CCDC3: variants seen among roughly 807,000 people sequenced by gnomAD.
CCDC3 encodes the protein coiled-coil domain-containing protein 3.
A neutral mutation model predicts 21.4 loss-of-function variants in CCDC3; 24 were observed. That is an observed-to-expected ratio of 1.12 (90% CI 0.81 to 1.58). The LOEUF (loss-of-function observed/expected upper bound fraction) is 1.58, where lower values mean the gene tolerates loss of function less well. CCDC3 is among the 40% of genes most tolerant of loss of function. The pLI is 0.00. For synonymous variants in CCDC3, 186 were observed against 166.0 expected (o/e 1.12, Z -0.93); for missense variants, 425 against 360.9 (o/e 1.18, Z -1.44).
chr10:12,994,508 TA>T (rs1835730220), intron 2 of CCDC3, among the ~76,000 whole-genome samples: 1 of 151,798 alleles, frequency 6.6e-6, no homozygotes, highest in African/African-American at 2.4e-5. Flanking sequence ...GATCGGCACA[TA>T]ATACAAGAAA....
At chr10:12,995,478 G>A (rs1211612448) in intron 2 of CCDC3, among the ~76,000 whole-genome samples, 2 of 152,206 alleles carry the variant, frequency 1.3e-5, no homozygotes, top group East Asian at 3.9e-4. Context: ...CTGACCTCAA[G>A]TGATCCGCCG....
chr10:13,013,585 A>G (rs1836010682), intron 5 of CCDC3, among the ~76,000 whole-genome samples: 2 of 152,340 alleles, frequency 1.3e-5, no homozygotes, highest in South Asian at 4.1e-4. Flanking sequence ...ACAGATGGAG[A>G]ATCCTGGCAG....
chr10:12,904,487 A>AAAAAAAAAAAAAAAAC, intron 2 of CCDC3, among the ~76,000 whole-genome samples: 1 of 149,426 alleles, frequency 6.7e-6, no homozygotes, highest in South Asian at 2.1e-4. Context: ...AAAAAAAAAA[A>AAAAAAAAAAAAAAAAC]AAAAGACTGG....
intron 3 of CCDC3, among the ~76,000 whole-genome samples, chr10:13,078,170 G>A (rs1359266251): frequency 1.3e-5 from 2 of 151,932 alleles, no homozygotes; most frequent in Non-Finnish European, 2.9e-5. Context: ...TAAGAAAAAA[G>A]CAAACAACCC....
At chr10:13,040,687 T>TCTCTCA (rs1554763771) in intron 5 of CCDC3, among the ~76,000 whole-genome samples, 2 of 142,752 alleles carry the variant, frequency 1.4e-5, no homozygotes, top group Non-Finnish European at 3.0e-5. Flanking sequence ...CAAAACTCTG[T>TCTCTCA]CACACACACA....
At chr10:12,910,688 C>A (rs1428282952) in intron 2 of CCDC3, among the ~76,000 whole-genome samples, 2 of 150,166 alleles carry the variant, frequency 1.3e-5, no homozygotes, top group African/African-American at 2.5e-5. Flanking sequence ...TGGCTCACTG[C>A]AACCTCCACC....
At chr10:13,029,476 G>A (rs573490473) in intron 5 of CCDC3, among the ~76,000 whole-genome samples, 1 of 152,272 alleles carries the variant, frequency 6.6e-6, no homozygotes, top group East Asian at 1.9e-4. Context: ...AACAAAGCTG[G>A]ACAGAGAATG....
rs967802671 is a variant in CCDC3, at chr10:12,897,010, C to G, written c.*1406G>C. On this transcript the variant is annotated 3_prime_UTR_variant, in exon 3 of 3. Transcript: ENST00000378825. ...GCTGTCAGAGCAAGAAGCACCCAGC[C>G]TTCCTAAAGGCAGAAGAGTGGAAAT... 2.6e-5 allele frequency: 4 copies of G among 152,268 alleles called. No individual in the cohort carries two copies. Among genetic ancestry groups the G allele is most frequent in the African/African-American group, 7.2e-5 (3 of 41,442 alleles). 9.4% of individuals were successfully genotyped at this position (152,268 alleles called of 1,614,324 possible).
At chr10:12,978,167 T>C (rs2131269610) in intron 2 of CCDC3, among the ~76,000 whole-genome samples, 1 of 152,208 alleles carries the variant, frequency 6.6e-6, no homozygotes, top group East Asian at 1.9e-4. Flanking sequence ...TATAGGCATG[T>C]GCCACCACAC....
chr10:12,984,593 C>T (rs528372651), intron 2 of CCDC3, among the ~76,000 whole-genome samples: 4 of 152,224 alleles, frequency 2.6e-5, no homozygotes, highest in South Asian at 4.2e-4. Context: ...TATATCCGTA[C>T]AAAAACCTGT....
chr10:13,082,323 G>A (rs1837051610), intron 3 of CCDC3, among the ~76,000 whole-genome samples: 1 of 152,244 alleles, frequency 6.6e-6, no homozygotes, highest in South Asian at 2.1e-4. Context: ...GACAGCCAAG[G>A]CGGAGAGAGA....
Position 12,967,148 on chromosome 10 carries a change from C to A in CCDC3, c.549+31190G>T, listed in dbSNP as rs911239595. ...AGTTTTGACTTTTTAAAGGCTGGTT[C>A]CATATGCAATGTATTGACTTTTGTG... is the stretch of plus-strand genomic sequence containing the variant. On this transcript the variant is annotated intron_variant, in intron 2 of 2. Coordinates refer to ENST00000378825, the MANE Select transcript of CCDC3 (RefSeq NM_031455.4). Among the ~76,000 whole-genome samples, 17 of 152,288 alleles carry A rather than the reference C, an allele frequency of 1.1e-4. 2 individuals carry two copies. The highest frequency in any genetic ancestry group is 1.1e-3 in the Admixed American group (17 of 15,306).
chr10:12,903,201 T>C (rs1395866112), intron 2 of CCDC3, among the ~76,000 whole-genome samples: 1 of 152,178 alleles, frequency 6.6e-6, no homozygotes, highest in Non-Finnish European at 1.5e-5. Flanking sequence ...GCCTGTGTCA[T>C]GTGAATTGAG....
chr10:13,090,377 C>T (rs758976738), intron 3 of CCDC3, among the ~76,000 whole-genome samples: 12 of 152,054 alleles, frequency 7.9e-5, no homozygotes, highest in Non-Finnish European at 2.9e-5. Context: ...TTTGAGCCAC[C>T]GCACCTGGCC....
intron 2 of CCDC3, 63 bp from the exon 3 acceptor site, chr10:12,898,742 G>A: frequency 1.3e-6 from 2 of 1,568,450 alleles, no homozygotes; most frequent in Non-Finnish European, 1.7e-6. Flanking sequence ...TGCGGCCAGG[G>A]GAGTCCCAGA....
intron 4 of CCDC3, among the ~76,000 whole-genome samples, chr10:13,068,232 G>C (rs1163303896): frequency 1.3e-5 from 2 of 152,086 alleles, no homozygotes; most frequent in Admixed American, 1.3e-4. Context: ...TTCTGGCCCT[G>C]TCTCTTAAAA....
chr10:13,069,025 G>A (rs1424238242), intron 4 of CCDC3, among the ~76,000 whole-genome samples: 1 of 152,252 alleles, frequency 6.6e-6, no homozygotes, highest in African/African-American at 2.4e-5. Flanking sequence ...GGAGGCCAAG[G>A]CAGGCGGATC....
At chr10:12,946,519 C>G (rs938736800) in intron 2 of CCDC3, among the ~76,000 whole-genome samples, 4 of 152,192 alleles carry the variant, frequency 2.6e-5, no homozygotes, top group African/African-American at 9.7e-5. Flanking sequence ...AAATGCCCAA[C>G]TGTGGCTAAT....
Position 13,001,699 on chromosome 10 carries a change from C to A in CCDC3, c.-129G>T. Reference sequence around the variant, plus strand: ...GAGCTGAGCGCACCGCTGTCTCCGCCACGGGGCTCGGCATGCCCGGCCCTG... The same window carrying A: ...GAGCTGAGCGCACCGCTGTCTCCGCAACGGGGCTCGGCATGCCCGGCCCTG... On this transcript the variant is annotated 5_prime_UTR_variant, in exon 1 of 3. Transcript: ENST00000378825. 1.7e-6 allele frequency: 1 copy of A among 581,160 alleles called. No homozygotes were observed. Among genetic ancestry groups the A allele is most frequent in the Non-Finnish European group, 2.2e-6 (1 of 453,014 alleles). The allele number at this position is 581,160 out of a possible 1,614,324, so 36.0% of individuals were successfully genotyped here. A position where few individuals can be genotyped will look rare whatever the true frequency, so the allele number is the denominator to read the frequency against.
Sources: allele counts gnomAD v4.1 joint callset (sites outside exome capture counted in the v4.1 genomes callset), GRCh38; gene constraint gnomAD v4.1.1; transcripts MANE v1.5; gene names NCBI Gene and HGNC (gene_info 2026-07-23, HGNC 2026-07-21).